The following MAPKAPK3 variants were observed in gnomAD, a reference collection of about 807,000 sequenced individuals.
MAPKAPK3 encodes MAPK activated protein kinase 3.
MAPKAPK3 carries 35 observed loss-of-function variants against 49.2 expected under a neutral mutation model. That is an observed-to-expected ratio of 0.71 (90% CI 0.54 to 0.94). The LOEUF (loss-of-function observed/expected upper bound fraction) is 0.94, where lower values mean the gene tolerates loss of function less well. Ranked by LOEUF, MAPKAPK3 falls within the 40% of genes least tolerant of loss-of-function variation. MAPKAPK3 has a pLI of 0.00. For missense variants in MAPKAPK3, 398 were observed against 493.1 expected, an observed-to-expected ratio of 0.81 and a Z score of 1.83; for synonymous variants, 178 against 188.7, an observed-to-expected ratio of 0.94 and a Z score of 0.46.
At chr3:50,641,265 G>C (rs2107597067) in intron 3 of MAPKAPK3, among the ~76,000 whole-genome samples, 3 of 152,310 alleles carry the variant, frequency 2.0e-5, no homozygotes, top group East Asian at 3.9e-4. Flanking sequence ...AGAGGTGAAA[G>C]AACCAGCCCA....
upstream of MAPKAPK3, chr3:50,612,621 C>T (rs897120562): frequency 2.6e-5 from 4 of 152,022 alleles, no homozygotes; most frequent in African/African-American, 9.7e-5. Flanking sequence ...GGTTTCTGGC[C>T]GGCCCTGCCA....
chr3:50,625,974 G>T (rs1394690562), intron 2 of MAPKAPK3, among the ~76,000 whole-genome samples: 2 of 152,114 alleles, frequency 1.3e-5, no homozygotes, highest in Non-Finnish European at 2.9e-5. Flanking sequence ...CACTCACAGT[G>T]TCCCCTCCTG....
chr3:50,617,596 G>T lies in MAPKAPK3; in HGVS notation c.31G>T (p.Gly11Cys), dbSNP rs147044454. Residue 11 changes from glycine (G) to cysteine (C), a missense_variant, in exon 2 of 11, where the codon GGC becomes TGC. This residue lies in a region of MAPKAPK3 where 123 missense variants were observed against 117.7 expected (regional missense o/e 1.04). Coordinates refer to ENST00000621469, the MANE Select transcript of MAPKAPK3 (RefSeq NM_001243925.2). MDGETAEEQGGPVPPPVAPGG... is the reference protein window; with the variant it reads MDGETAEEQGCPVPPPVAPGG... The stretch of plus-strand genomic sequence containing the variant: ...TGGTGAAACAGCAGAGGAGCAGGGG[G>T]GCCCTGTGCCCCCGCCAGTTGCACC... 23 of 1,593,668 alleles carry T rather than the reference G, an allele frequency of 1.4e-5. No homozygotes were observed. In the African/African-American group the frequency reaches 2.9e-4, roughly 20 times the overall value.
At chr3:50,642,442 C>T in intron 5 of MAPKAPK3, 110 bp downstream of exon 5, 2 of 765,884 alleles carry the variant, frequency 2.6e-6, no homozygotes, top group Non-Finnish European at 4.5e-6. Context: ...TCCCTAGTCA[C>T]ATTCAAAGCC....
chr3:50,640,025 A>G (rs1435967837), intron 2 of MAPKAPK3, among the ~76,000 whole-genome samples: 3 of 152,192 alleles, frequency 2.0e-5, no homozygotes, highest in African/African-American at 7.2e-5. Flanking sequence ...TTGGGGTCCC[A>G]TGGCTGCTGT....
intron 2 of MAPKAPK3, among the ~76,000 whole-genome samples, chr3:50,637,876 C>T (rs2033082213): frequency 6.6e-6 from 1 of 151,966 alleles, no homozygotes; most frequent in South Asian, 2.1e-4. Flanking sequence ...GGGAGTAAGG[C>T]CTGTTTGGGA....
rs1576012000 is a variant in MAPKAPK3 at position 50,640,528 on chromosome 3, C to T, written c.359+23C>T. 3 of 1,584,998 alleles carry T rather than the reference C, an allele frequency of 1.9e-6. No homozygotes were observed. In the East Asian group the frequency reaches 6.8e-5, roughly 36 times the overall value. ...ATGGTATGCTGGCCTGCCCTGTCTCCACACCCCCTCGGCATCCCTGTGGCC... is the reference window on the plus strand; with the variant it reads ...ATGGTATGCTGGCCTGCCCTGTCTCTACACCCCCTCGGCATCCCTGTGGCC... On this transcript the variant is annotated intron_variant, in intron 3 of 10. Transcript: ENST00000621469.
At chr3:50,634,756 G>A (rs555491822) in intron 2 of MAPKAPK3, among the ~76,000 whole-genome samples, 2 of 152,332 alleles carry the variant, frequency 1.3e-5, no homozygotes, top group East Asian at 1.9e-4. Flanking sequence ...CTCCCAAAAT[G>A]TTAGGATTAC....
Position 50,640,473 on chromosome 3 carries a change from T to C in MAPKAPK3, c.327T>C (p.His109=). 6.2e-7 allele frequency: 1 copy of C among 1,613,738 alleles called. No homozygotes were observed. The highest frequency in any genetic ancestry group is 1.1e-5 in the South Asian group (1 of 91,072). ...TGGATGTGTATGAGAACATGCACCATGGCAAGCGCTGTCTCCTCATCATCA... is the reference window on the plus strand; with the variant it reads ...TGGATGTGTATGAGAACATGCACCACGGCAAGCGCTGTCTCCTCATCATCA... ...CILDVYENMH[H]GKRCLLIIME... Residue 109 remains histidine, a synonymous_variant, in exon 3 of 11, where the codon CAT becomes CAC. Transcript: ENST00000621469.
At chr3:50,638,991 G>C (rs2033108687) in intron 2 of MAPKAPK3, among the ~76,000 whole-genome samples, 1 of 152,206 alleles carries the variant, frequency 6.6e-6, no homozygotes. Context: ...TGTCCCTGCT[G>C]TCCCCATTCT....
At chr3:50,641,217 G>A (rs900922912) in intron 3 of MAPKAPK3, among the ~76,000 whole-genome samples, 4 of 152,204 alleles carry the variant, frequency 2.6e-5, no homozygotes, top group Admixed American at 6.5e-5. Flanking sequence ...GGTTGGTGCT[G>A]TCATCCCTAT....
rs561137806 is a variant in MAPKAPK3, at chr3:50,643,058, G to A, written c.504+726G>A. On this transcript the variant is annotated intron_variant, in intron 5 of 10. Coordinates refer to ENST00000621469, the MANE Select transcript of MAPKAPK3 (RefSeq NM_001243925.2). ...GTAGAGATGGGGTTTCACCATGTTA[G>A]GCAGGTTGGTCTTGAACTCCTGACC... Among the ~76,000 whole-genome samples, 15 of 152,284 alleles carry A rather than the reference G, an allele frequency of 9.9e-5. No individual in the cohort carries two copies. The South Asian group carries it at 1.9e-3, about 19-fold the overall frequency.
In MAPKAPK3 at chr3:50,635,358, G is replaced by A. The variant is rs1369483797; in HGVS notation, c.220-5008G>A. Among the ~76,000 whole-genome samples, 4 of 139,638 alleles carry A rather than the reference G, an allele frequency of 2.9e-5. No individual in the cohort carries two copies. The Admixed American group carries it at 2.9e-4, about 10-fold the overall frequency. 91.6% of individuals were successfully genotyped at this position (139,638 alleles called of 152,430 possible). ...CAGCAGGGAGAAAGTTTGCCAGGTT[G>A]TCATGTCTCCCATTTGTTGAGCCTC... On this transcript the variant is annotated intron_variant, in intron 2 of 10. Transcript: ENST00000621469.
chr3:50,632,684 C>T (rs1046947868), intron 2 of MAPKAPK3, among the ~76,000 whole-genome samples: 3 of 152,350 alleles, frequency 2.0e-5, no homozygotes, highest in Middle Eastern at 3.4e-3. Flanking sequence ...TCTCTTACCC[C>T]GGAAACAGTG....
At chr3:50,647,278 C>A in intron 10 of MAPKAPK3, 75 bp downstream of exon 10, 1 of 1,297,402 alleles carries the variant, frequency 7.7e-7, no homozygotes, top group Non-Finnish European at 1.1e-6. Flanking sequence ...GGTGGCTACC[C>A]AGGGTCTGGG....
rs1380819998 is a variant in MAPKAPK3 at position 50,617,646 on chromosome 3, TC to T, written c.83del (p.Pro28ArgfsTer12). The T allele has an allele frequency of 6.2e-7, 1 of 1,609,540 alleles. No individual in the cohort carries two copies. Among genetic ancestry groups the T allele is most frequent in the Non-Finnish European group, 8.5e-7 (1 of 1,176,958 alleles). On this transcript the variant is annotated frameshift_variant, in exon 2 of 11. Coordinates refer to ENST00000621469, the MANE Select transcript of MAPKAPK3 (RefSeq NM_001243925.2). LOFTEE classifies it high-confidence loss of function. The stretch of plus-strand genomic sequence containing the variant: ...CCGGCGGACCCGGCTTGGGCGGTGC[TC>T]CGGGGGGGCGGCGGGAGCCCAAGAA... ...APGGPGLGGA[P>X]GGRREPKKYA...
intron 2 of MAPKAPK3, among the ~76,000 whole-genome samples, chr3:50,634,576 C>T (rs1202757783): frequency 1.3e-5 from 2 of 151,952 alleles, no homozygotes; most frequent in African/African-American, 4.8e-5. Flanking sequence ...GCAACCTCCA[C>T]TTCCCGGGTT....
At chr3:50,618,338 C>T (rs895640475) in intron 2 of MAPKAPK3, among the ~76,000 whole-genome samples, 3 of 152,176 alleles carry the variant, frequency 2.0e-5, no homozygotes, top group African/African-American at 2.4e-5. Context: ...AGACTCCTGA[C>T]GAGTCGCTGG....
At chr3:50,637,137 C>T (rs1279933472) in intron 2 of MAPKAPK3, among the ~76,000 whole-genome samples, 1 of 152,182 alleles carries the variant, frequency 6.6e-6, no homozygotes, top group Non-Finnish European at 1.5e-5. Flanking sequence ...GAAGGCTCTC[C>T]AGCCCCTCCT....
Sources: allele counts gnomAD v4.1 joint callset (sites outside exome capture counted in the v4.1 genomes callset), GRCh38; gene constraint gnomAD v4.1.1; regional missense constraint gnomAD v4.1.1; transcripts MANE v1.5; gene names NCBI Gene and HGNC (gene_info 2026-07-23, HGNC 2026-07-21).